The following SNX24 variants were observed in gnomAD, a reference collection of about 807,000 sequenced individuals.
SNX24 encodes the protein sorting nexin 24.
Under a neutral mutation model 28.7 loss-of-function variants are expected in SNX24, and 22 were observed. The observed-to-expected ratio is 0.77, with a 90% confidence interval of 0.55 to 1.10. The LOEUF (loss-of-function observed/expected upper bound fraction) is 1.10. Ranked by LOEUF, SNX24 falls within the 50% of genes least tolerant of loss-of-function variation. SNX24 has a pLI of 0.00. For synonymous variants in SNX24, 69 were observed against 71.5 expected, an observed-to-expected ratio of 0.96 and a Z score of 0.18; for missense variants, 221 against 201.1, an observed-to-expected ratio of 1.10 and a Z score of -0.60.
In SNX24 at chr5:122,929,428, A is replaced by C. The variant is rs151179468; in HGVS notation, c.61-7306A>C. Among the ~76,000 whole-genome samples the C allele has an allele frequency of 3.3e-5, 5 of 149,932 alleles. No individual in the cohort carries two copies. In the East Asian group the frequency reaches 1.0e-3, roughly 31 times the overall value. On this transcript the variant is annotated intron_variant, in intron 1 of 6. Transcript: ENST00000261369. ...AAAAGAAGCATTTTATATTGAGTAT[A>C]GCTCCAATAGCCTTTTTTTTTTAGA...
intron 1 of SNX24, chr5:122,891,036 G>C (rs955989748): frequency 7.3e-6 from 11 of 1,507,118 alleles, no homozygotes; most frequent in Non-Finnish European, 9.8e-6. Flanking sequence ...GGTGGTAATA[G>C]TTTGGCATAG....
At chr5:122,963,328 A>T (rs30056) in intron 3 of SNX24, among the ~76,000 whole-genome samples, 26,438 of 152,084 alleles carry the variant, frequency 0.17, 2,832 homozygotes, top group East Asian at 0.48. Context: ...GACTGGTGGG[A>T]TGTGGGGTGA....
intron 3 of SNX24, among the ~76,000 whole-genome samples, chr5:122,982,867 G>A (rs1050467583): frequency 3.9e-5 from 6 of 151,948 alleles, no homozygotes. Context: ...ATCTATAATG[G>A]ATAATACATT....
At chr5:122,926,841 G>T (rs1758721084) in intron 1 of SNX24, among the ~76,000 whole-genome samples, 1 of 152,216 alleles carries the variant, frequency 6.6e-6, no homozygotes, top group Non-Finnish European at 1.5e-5. Context: ...ATGGGCATCG[G>T]CAGAGGTGAG....
At chr5:122,944,213 C>T (rs1415970128) in intron 2 of SNX24, among the ~76,000 whole-genome samples, 1 of 152,196 alleles carries the variant, frequency 6.6e-6, no homozygotes, top group Non-Finnish European at 1.5e-5. Context: ...ATGTGACTTT[C>T]ACACTTCTGG....
intron 5 of SNX24, among the ~76,000 whole-genome samples, chr5:123,018,022 G>A (rs1488715905): frequency 6.6e-6 from 1 of 151,970 alleles, no homozygotes; most frequent in Non-Finnish European, 1.5e-5. Flanking sequence ...CCTTGCCCTA[G>A]AGAGGAGCTT....
chr5:122,884,575 A>G (rs1408770512), intron 1 of SNX24, among the ~76,000 whole-genome samples: 4 of 152,284 alleles, frequency 2.6e-5, no homozygotes, highest in South Asian at 2.1e-4. Context: ...ATAAAAAAAA[A>G]TGTATTTCTC....
intron 3 of SNX24, among the ~76,000 whole-genome samples, chr5:122,974,177 G>C (rs1188387661): frequency 6.6e-6 from 1 of 152,278 alleles, no homozygotes; most frequent in Admixed American, 6.5e-5. Flanking sequence ...ATCTCAACAG[G>C]CCCCACACCA....
intron 1 of SNX24, among the ~76,000 whole-genome samples, chr5:122,919,560 T>G (rs1758325327): frequency 6.6e-6 from 1 of 151,844 alleles, no homozygotes; most frequent in Admixed American, 6.6e-5. Context: ...TCAGAAAAAT[T>G]AGTCATTTTA....
intron 3 of SNX24, among the ~76,000 whole-genome samples, chr5:122,985,238 A>G (rs978547456): frequency 1.3e-5 from 2 of 152,002 alleles, no homozygotes; most frequent in East Asian, 1.9e-4. Flanking sequence ...ATGACCTTTC[A>G]CCAGAGCTTG....
At chr5:122,955,819 C>A (rs1400586306) in intron 3 of SNX24, among the ~76,000 whole-genome samples, 1 of 152,154 alleles carries the variant, frequency 6.6e-6, no homozygotes, top group Non-Finnish European at 1.5e-5. Flanking sequence ...TGGTGAAAGC[C>A]CTGGTCCCTT....
At chr5:122,873,544 G>A (rs551778520) in intron 1 of SNX24, among the ~76,000 whole-genome samples, 1 of 152,108 alleles carries the variant, frequency 6.6e-6, no homozygotes, top group African/African-American at 2.4e-5. Context: ...GCTGTAAGAG[G>A]TGGCAGTAGA....
At chr5:122,910,828 A>G (rs1342411042) in intron 1 of SNX24, among the ~76,000 whole-genome samples, 4 of 152,086 alleles carry the variant, frequency 2.6e-5, no homozygotes, top group South Asian at 4.2e-4. Context: ...TTAGTATTCC[A>G]TGGTGTATAT....
chr5:122,846,742 G>A (rs1341267957), intron 1 of SNX24, among the ~76,000 whole-genome samples: 1 of 152,148 alleles, frequency 6.6e-6, no homozygotes, highest in East Asian at 1.9e-4. Flanking sequence ...CCAGGAAGTC[G>A]GTGGGTTTTT....
chr5:123,017,955 A>C (rs1762708957), intron 5 of SNX24, among the ~76,000 whole-genome samples: 1 of 152,018 alleles, frequency 6.6e-6, no homozygotes, highest in Admixed American at 6.6e-5. Flanking sequence ...ATACTTACTG[A>C]ACATTAATTA....
intron 1 of SNX24, among the ~76,000 whole-genome samples, chr5:122,929,923 A>G (rs1002954151): frequency 1.3e-5 from 2 of 151,858 alleles, no homozygotes; most frequent in Non-Finnish European, 2.9e-5. Flanking sequence ...GAATGTGTAT[A>G]TAATAAACCA....
At position 122,962,283 on chromosome 5, in the gene SNX24, G is replaced by A. The variant is rs192509813; in HGVS notation, c.249+16124G>A. Reference sequence around the variant, plus strand: ...ATGATATTTCTTTTCATATTTTTAAGGCTTGCATTATAACCATGGAGAATT... The same window carrying A: ...ATGATATTTCTTTTCATATTTTTAAAGCTTGCATTATAACCATGGAGAATT... On this transcript the variant is annotated intron_variant, in intron 3 of 6. Coordinates refer to ENST00000261369, the MANE Select transcript of SNX24 (RefSeq NM_014035.4). Among the ~76,000 whole-genome samples the A allele has an allele frequency of 7.3e-3, 1,107 of 151,870 alleles. 9 individuals are homozygous for A. The highest frequency in any genetic ancestry group is 0.011 in the Non-Finnish European group (765 of 67,958).
chr5:123,011,800 T>C (rs1266139400), downstream of SNX24, among the ~76,000 whole-genome samples: 2 of 152,228 alleles, frequency 1.3e-5, no homozygotes, highest in Non-Finnish European at 2.9e-5. Context: ...TGAATTGCTA[T>C]GTGATTCAGC....
At chr5:122,873,923 G>A (rs778070641) in intron 1 of SNX24, among the ~76,000 whole-genome samples, 4 of 151,994 alleles carry the variant, frequency 2.6e-5, no homozygotes, top group Admixed American at 6.6e-5. Flanking sequence ...CGGCCACCAC[G>A]TCTGGCTAAT....
Sources: allele counts gnomAD v4.1 joint callset (sites outside exome capture counted in the v4.1 genomes callset), GRCh38; gene constraint gnomAD v4.1.1; transcripts MANE v1.5; gene names NCBI Gene and HGNC (gene_info 2026-07-23, HGNC 2026-07-21).